The following NFILZ variants were observed in gnomAD, a reference collection of about 807,000 sequenced individuals.
The protein encoded by NFILZ is NFIL3 like basic leucine zipper.
chr19:8,656,289 C>CCTCCTCCCGCAGCCCACCTTCTCTCTGA, intron 3 of NFILZ, among the ~76,000 whole-genome samples: 1 of 33,002 alleles, frequency 3.0e-5, no homozygotes, highest in Middle Eastern at 0.012. Context: ...CTTCTCCCCA[C>CCTCCTCCCGCAGCCCACCTTCTCTCTGA]AGCCCACCTC....
intron 3 of NFILZ, among the ~76,000 whole-genome samples, chr19:8,652,659 A>C (rs1280298760): frequency 1.3e-5 from 2 of 152,206 alleles, no homozygotes; most frequent in African/African-American, 2.4e-5. Context: ...CTGCTTGCAG[A>C]TATTTCGGTT....
intron 3 of NFILZ, among the ~76,000 whole-genome samples, chr19:8,658,811 G>T (rs969543348): frequency 2.6e-5 from 4 of 152,206 alleles, no homozygotes; most frequent in Non-Finnish European, 5.9e-5. Flanking sequence ...GTTGCTGGGC[G>T]CAGTGGCTCA....
chr19:8,639,766 A>ATAC (rs2042910979), intron 3 of NFILZ, among the ~76,000 whole-genome samples: 2 of 152,124 alleles, frequency 1.3e-5, no homozygotes, highest in African/African-American at 4.8e-5. Flanking sequence ...AGTGTCTGGC[A>ATAC]TATACCACAC....
intron 3 of NFILZ, among the ~76,000 whole-genome samples, chr19:8,672,590 A>ATTAG (rs149809017): frequency 0.32 from 48,855 of 151,362 alleles, 8,733 homozygotes; most frequent in East Asian, 0.64. Flanking sequence ...TCATGCATTT[A>ATTAG]TTAATTCAAA....
intron 3 of NFILZ, among the ~76,000 whole-genome samples, chr19:8,656,497 C>T (rs114711918): frequency 0.054 from 3,646 of 67,682 alleles, 322 homozygotes; most frequent in East Asian, 0.15. Context: ...CACCTTCTCC[C>T]GCAGCCCACC....
At chr19:8,643,059 C>T (rs181796783) in intron 3 of NFILZ, among the ~76,000 whole-genome samples, 1 of 151,888 alleles carries the variant, frequency 6.6e-6, no homozygotes, top group Non-Finnish European at 1.5e-5. Context: ...AAGCTCTCCC[C>T]CCACCTCAGC....
At chr19:8,672,826 G>C (rs2043094685) in intron 3 of NFILZ, among the ~76,000 whole-genome samples, 1 of 152,140 alleles carries the variant, frequency 6.6e-6, no homozygotes, top group African/African-American at 2.4e-5. Flanking sequence ...TGGGGTGGAG[G>C]TGAATTGAGG....
intron 3 of NFILZ, among the ~76,000 whole-genome samples, chr19:8,639,776 C>T (rs1042643850): frequency 1.3e-5 from 2 of 152,038 alleles, no homozygotes; most frequent in Non-Finnish European, 2.9e-5. Context: ...ATATACCACA[C>T]ATGGGGTAAG....
At chr19:8,670,353 T>G (rs184112693) in intron 3 of NFILZ, among the ~76,000 whole-genome samples, 1 of 152,282 alleles carries the variant, frequency 6.6e-6, no homozygotes, top group African/African-American at 2.4e-5. Context: ...CCACCTACCT[T>G]GGCCTCCCAA....
chr19:8,664,328 C>T (rs895687018), intron 3 of NFILZ, among the ~76,000 whole-genome samples: 14 of 152,200 alleles, frequency 9.2e-5, no homozygotes, highest in African/African-American at 3.4e-4. Context: ...GGACTGGGTC[C>T]TTGGCCTCAC....
chr19:8,653,042 C>CTTTCTTTCTTTCTTTCTTTCTT (rs2042975704), intron 3 of NFILZ, among the ~76,000 whole-genome samples: 1 of 28,236 alleles, frequency 3.5e-5, no homozygotes, highest in Admixed American at 4.0e-4. Flanking sequence ...CTTTCTTTCT[C>CTTTCTTTCTTTCTTTCTTTCTT]TCTCTCTCTC....
chr19:8,632,043 A>G (rs2042872609), intron 1 of NFILZ, among the ~76,000 whole-genome samples: 1 of 151,804 alleles, frequency 6.6e-6, no homozygotes, highest in Non-Finnish European at 1.5e-5. Context: ...TAATTTTTGT[A>G]CTTTTAGTAG....
chr19:8,632,264 G>GTA lies in NFILZ; in HGVS notation c.-410-211_-410-210insAT, dbSNP rs2042873843. ...CCATACAGTGTGTGTGTGTGTGTGT[G>GTA]TGTGTGTGTGTCAGGGGGTTATTTT... On this transcript the variant is annotated intron_variant, in intron 1 of 5. Transcript: ENST00000691075. Among the ~76,000 whole-genome samples the GTA allele has an allele frequency of 2.0e-5, 3 of 151,902 alleles. No individual in the cohort carries two copies. In the South Asian group the frequency reaches 6.2e-4, roughly 32 times the overall value.
rs1436934130 is a variant in NFILZ at position 8,679,420 on chromosome 19, C to A, written c.*1785C>A. ...TACTGACACTGAGAACCAGATGCCC[C>A]TGGCCAACTGGATCACTTGGACTCA... On this transcript the variant is annotated 3_prime_UTR_variant, in exon 6 of 6. Coordinates refer to ENST00000691075, the MANE Select transcript of NFILZ (RefSeq NM_001378600.1). Among the ~76,000 whole-genome samples the A allele has an allele frequency of 1.3e-5, 2 of 152,058 alleles. No individual in the cohort carries two copies. Among genetic ancestry groups the A allele is most frequent in the African/African-American group, 4.8e-5 (2 of 41,384 alleles).
intron 2 of NFILZ, among the ~76,000 whole-genome samples, chr19:8,633,303 G>A (rs1555745756): frequency 6.6e-6 from 1 of 152,036 alleles, no homozygotes; most frequent in Non-Finnish European, 1.5e-5. Flanking sequence ...ATTATAGGTG[G>A]AAGCCAACGC....
At position 8,678,545 on chromosome 19, in the gene NFILZ, CTCCATCCATCCA is replaced by C. The variant is rs118194575; in HGVS notation, c.*918_*929del. Among the ~76,000 whole-genome samples, 1 of 148,924 alleles carries C rather than the reference CTCCATCCATCCA, an allele frequency of 6.7e-6. No individual in the cohort carries two copies. Among genetic ancestry groups the C allele is most frequent in the Admixed American group, 6.7e-5 (1 of 14,988 alleles). The stretch of plus-strand genomic sequence containing the variant: ...TCATCCATTCATACATCAATTTATT[CTCCATCCATCCA>C]TCCATCCTCATCCATTCCCATTCAT... On this transcript the variant is annotated 3_prime_UTR_variant, in exon 6 of 6. Transcript: ENST00000691075.
chr19:8,640,020 GA>G (rs782110931), intron 3 of NFILZ, among the ~76,000 whole-genome samples: 2 of 152,182 alleles, frequency 1.3e-5, no homozygotes, highest in Non-Finnish European at 2.9e-5. Context: ...TAGAGCCTCA[GA>G]GATTTGGCGT....
intron 3 of NFILZ, among the ~76,000 whole-genome samples, chr19:8,660,577 CTCCCTCCT>C (rs2043025251): frequency 3.2e-5 from 4 of 123,672 alleles, no homozygotes; most frequent in African/African-American, 1.4e-4. Context: ...CCTCCCCTCC[CTCCCTCCT>C]TCCTTCCTTC....
chr19:8,672,348 A>C (rs1306140806), intron 3 of NFILZ, among the ~76,000 whole-genome samples: 3 of 151,924 alleles, frequency 2.0e-5, no homozygotes, highest in African/African-American at 4.8e-5. Context: ...AAAACCACAC[A>C]TTTATTAGTT....
Sources: allele counts gnomAD v4.1 joint callset (sites outside exome capture counted in the v4.1 genomes callset), GRCh38; gene constraint gnomAD v4.1.1; transcripts MANE v1.5; gene names NCBI Gene and HGNC (gene_info 2026-07-23, HGNC 2026-07-21).